The following GALNTL6 variants were observed in gnomAD, a reference collection of about 807,000 sequenced individuals.
GALNTL6 encodes polypeptide N-acetylgalactosaminyltransferase like 6.
GALNTL6 carries 46 observed loss-of-function variants against 73.7 expected under a neutral mutation model. The observed-to-expected ratio is 0.62, with a 90% confidence interval of 0.49 to 0.80. The LOEUF (loss-of-function observed/expected upper bound fraction) is 0.80. GALNTL6 is among the 30% of genes least tolerant of loss of function. The pLI, the probability that GALNTL6 is intolerant of heterozygous loss-of-function variation, is 0.00. For missense variants in GALNTL6, 604 were observed against 755.0 expected (o/e 0.80, Z 2.34); for synonymous variants, 259 against 263.7 (o/e 0.98, Z 0.17).
At chr4:172,306,705 C>T (rs1172681677) in intron 3 of GALNTL6, among the ~76,000 whole-genome samples, 1 of 152,190 alleles carries the variant, frequency 6.6e-6, no homozygotes, top group Non-Finnish European at 1.5e-5. Flanking sequence ...CAAGTGAGAA[C>T]ATACGATGTT....
intron 2 of GALNTL6, among the ~76,000 whole-genome samples, chr4:171,872,545 A>G (rs1028277852): frequency 1.3e-5 from 2 of 152,196 alleles, no homozygotes; most frequent in African/African-American, 2.4e-5. Flanking sequence ...CAGCAATTCA[A>G]AATTTATTGT....
At chr4:172,052,340 A>C (rs371342666) in intron 2 of GALNTL6, 39 of 731,224 alleles carry the variant, frequency 5.3e-5, no homozygotes, top group South Asian at 3.5e-4. Flanking sequence ...GCTTATTTAG[A>C]GATGGGCTTG....
At chr4:172,190,885 CT>C (rs1735558131) in intron 2 of GALNTL6, among the ~76,000 whole-genome samples, 1 of 152,202 alleles carries the variant, frequency 6.6e-6, no homozygotes, top group Admixed American at 6.5e-5. Context: ...GACTACTTCT[CT>C]TTACCAACTA....
In GALNTL6 at chr4:172,459,831, T is replaced by C. The variant is rs371914964; in HGVS notation, c.553+111142T>C. Among the ~76,000 whole-genome samples the C allele has an allele frequency of 4.1e-4, 62 of 152,204 alleles. 4 individuals are homozygous for C. In the South Asian group the frequency reaches 5.4e-3, roughly 13 times the overall value. Reference sequence around the variant, plus strand: ...CAGTGTTATCCCCATCAAGCTACCATTGACTTTCTTCACAGAATTAGGAAA... The same window carrying C: ...CAGTGTTATCCCCATCAAGCTACCACTGACTTTCTTCACAGAATTAGGAAA... On this transcript the variant is annotated intron_variant, in intron 5 of 12. Coordinates refer to ENST00000506823, the MANE Select transcript of GALNTL6 (RefSeq NM_001034845.3).
At chr4:172,136,148 T>C (rs72994133) in intron 2 of GALNTL6, among the ~76,000 whole-genome samples, 1,627 of 152,226 alleles carry the variant, frequency 0.011, 31 homozygotes, top group African/African-American at 0.036. Flanking sequence ...AATTTCATAG[T>C]TTAGCTTCAT....
chr4:172,485,565 T>G (rs1371550844), intron 5 of GALNTL6, among the ~76,000 whole-genome samples: 1 of 152,150 alleles, frequency 6.6e-6, no homozygotes, highest in East Asian at 1.9e-4. Context: ...TGTAAATTAT[T>G]CCTCTATCAC....
chr4:172,187,495 T>A (rs1735449081), intron 2 of GALNTL6, among the ~76,000 whole-genome samples: 1 of 152,166 alleles, frequency 6.6e-6, no homozygotes, highest in African/African-American at 2.4e-5. Context: ...ACAGTTTTTT[T>A]AAATACATGC....
chr4:172,511,179 G>A (rs1366221630), intron 5 of GALNTL6, among the ~76,000 whole-genome samples: 1 of 54,398 alleles, frequency 1.8e-5, no homozygotes, highest in Non-Finnish European at 4.3e-5. Flanking sequence ...AGGAGAGTTG[G>A]ATATTTACAG....
intron 5 of GALNTL6, among the ~76,000 whole-genome samples, chr4:172,647,863 A>G (rs1010374279): frequency 1.3e-5 from 2 of 152,138 alleles, no homozygotes; most frequent in Non-Finnish European, 2.9e-5. Flanking sequence ...GGGTAATAAC[A>G]GTGGAAACAG....
intron 2 of GALNTL6, among the ~76,000 whole-genome samples, chr4:171,916,891 A>G (rs1476607733): frequency 1.3e-5 from 2 of 152,048 alleles, no homozygotes; most frequent in African/African-American, 2.4e-5. Flanking sequence ...ACCCTCCACT[A>G]AAGCTTGGGT....
intron 5 of GALNTL6, among the ~76,000 whole-genome samples, chr4:172,494,008 T>C (rs538517147): frequency 2.0e-5 from 3 of 152,306 alleles, no homozygotes; most frequent in Admixed American, 2.0e-4. Flanking sequence ...CTGTGTTTTT[T>C]TAACCTATAT....
chr4:172,437,184 C>A (rs1280905633), intron 5 of GALNTL6, among the ~76,000 whole-genome samples: 7 of 152,084 alleles, frequency 4.6e-5, no homozygotes, highest in Non-Finnish European at 1.0e-4. Flanking sequence ...TCTATGAGAT[C>A]ATACATTTGT....
chr4:172,103,958 T>TC (rs1732599747), intron 2 of GALNTL6, among the ~76,000 whole-genome samples: 1 of 151,742 alleles, frequency 6.6e-6, no homozygotes, highest in African/African-American at 2.4e-5. Flanking sequence ...TCTTTTTTTT[T>TC]TTTTGAGACC....
intron 10 of GALNTL6, among the ~76,000 whole-genome samples, chr4:172,965,485 A>T (rs370530022): frequency 1.1e-4 from 17 of 152,050 alleles, no homozygotes; most frequent in African/African-American, 3.9e-4. Context: ...CGGGAGGCTG[A>T]GGTGGGAGAA....
intron 2 of GALNTL6, among the ~76,000 whole-genome samples, chr4:171,946,148 T>C (rs987181254): frequency 9.2e-5 from 14 of 152,202 alleles, no homozygotes; most frequent in Admixed American, 9.2e-4. Flanking sequence ...AATTTCAGAA[T>C]GTTCCAAAAC....
At chr4:172,431,769 A>C (rs1283141833) in intron 5 of GALNTL6, among the ~76,000 whole-genome samples, 1 of 152,186 alleles carries the variant, frequency 6.6e-6, no homozygotes, top group African/African-American at 2.4e-5. Flanking sequence ...AAAATGGAAA[A>C]GTCAGTATTT....
chr4:172,809,536 C>G lies in GALNTL6; in HGVS notation c.729C>G (p.Pro243=), dbSNP rs1741170815. The G allele has an allele frequency of 6.2e-7, 1 of 1,611,788 alleles. No homozygotes were observed. Among genetic ancestry groups the G allele is most frequent in the Admixed American group, 1.7e-5 (1 of 59,752 alleles). ...SHCEVNVNWL[P]PLLNQIALNH... is the part of the protein sequence containing the mutation. The stretch of plus-strand genomic sequence containing the variant: ...GCGAGGTCAATGTGAACTGGCTGCC[C>G]CCACTCCTCAGTGAGTACAGGTTGC... Residue 243 remains proline (P), a synonymous_variant, in exon 6 of 13, where the codon CCC becomes CCG. Transcript: ENST00000506823. This position sits in a 1 kb window ranked among gnomAD's most constrained non-coding sequence, Gnocchi z 4.4.
chr4:172,302,376 C>T (rs1403372006), intron 3 of GALNTL6, among the ~76,000 whole-genome samples: 1 of 152,158 alleles, frequency 6.6e-6, no homozygotes, highest in Non-Finnish European at 1.5e-5. Flanking sequence ...ACCCACTGTT[C>T]TTCCCCCACT....
intron 2 of GALNTL6, among the ~76,000 whole-genome samples, chr4:172,021,372 T>C (rs1741395534): frequency 6.6e-6 from 1 of 151,952 alleles, no homozygotes. Flanking sequence ...CAATCTTATA[T>C]TTGGAAAAGT....
Sources: gnomAD v4.1 joint callset for allele counts (sites outside exome capture counted in the v4.1 genomes callset) on GRCh38, gnomAD v4.1.1 for gene constraint, Gnocchi (gnomAD v3.1) non-coding constraint, MANE v1.5 for transcripts, NCBI Gene and HGNC (gene_info 2026-07-23, HGNC 2026-07-21) for gene names.